The following ARFGAP1 variants were observed in gnomAD, a reference collection of about 807,000 sequenced individuals.
ARFGAP1 encodes the protein ARF GTPase activating protein 1.
A neutral mutation model predicts 54.0 loss-of-function variants in ARFGAP1; 26 were observed. That is an observed-to-expected ratio of 0.48 (90% CI 0.35 to 0.67). The LOEUF (loss-of-function observed/expected upper bound fraction) is 0.67. Ranked by LOEUF, ARFGAP1 falls within the 30% of genes least tolerant of loss-of-function variation. ARFGAP1 has a pLI of 0.00. For missense variants in ARFGAP1, 525 were observed against 535.8 expected (o/e 0.98, Z 0.20); for synonymous variants, 248 against 211.9 (o/e 1.17, Z -1.48).
chr20:63,277,239 T>C lies in ARFGAP1; in HGVS notation c.377T>C (p.Leu126Pro). The C allele has an allele frequency of 6.2e-7, 1 of 1,613,002 alleles. No individual in the cohort carries two copies. Among genetic ancestry groups the C allele is most frequent in the South Asian group, 1.1e-5 (1 of 91,062 alleles). The part of the protein sequence containing the change: ...VALAEGREWS[L>P]ESSPAQNWTP... ...CTGGCCGAAGGCAGAGAGTGGTCTC[T>C]GGAGTCATCACCTGCCCAGAACTGG... is the stretch of plus-strand genomic sequence containing the variant. Residue 126 changes from leucine to proline, a missense_variant, in exon 5 of 13, where the codon CTG becomes CCG. Around this residue, in one of 3 missense-constraint regions of ARFGAP1, gnomAD observed 466 missense variants for 453.6 expected, o/e 1.03. Transcript: ENST00000370283.
intron 9 of ARFGAP1, chr20:63,284,168 C>G (rs536960651): frequency 1.5e-6 from 2 of 1,294,752 alleles, no homozygotes; most frequent in East Asian, 3.2e-5. Flanking sequence ...GGCCTGCTGC[C>G]GGGGAGGTGC....
chr20:63,287,871 T>C lies in ARFGAP1; in HGVS notation c.1219T>C (p.Ter407GlnextTer28), dbSNP rs2067605365. The C allele has an allele frequency of 6.5e-7, 1 of 1,531,750 alleles. No individual in the cohort carries two copies. 94.9% of individuals were successfully genotyped at this position (1,531,750 alleles called of 1,614,324 possible). A position where few individuals can be genotyped will look rare whatever the true frequency, so the allele number is the denominator to read the frequency against. ...TDDGWDNQNW[*>Q] is the part of the protein sequence containing the mutation. ...TGATGGCTGGGACAACCAGAACTGG[T>C]AGGGCCCACTGCGCCCCCGTCCCCA... Residue 407 changes from the stop codon to glutamine (Q), a stop_lost, in exon 13 of 13, where the codon TAG becomes CAG. Coordinates refer to ENST00000370283, the MANE Select transcript of ARFGAP1 (RefSeq NM_018209.4).
intron 6 of ARFGAP1, 37 bp from the exon 7 acceptor site, chr20:63,278,862 G>T: frequency 6.2e-7 from 1 of 1,607,562 alleles, no homozygotes; most frequent in Non-Finnish European, 8.5e-7. Flanking sequence ...CAGGGTTCAT[G>T]CCAGCATCTT....
In ARFGAP1 at chr20:63,286,359, C is replaced by T. The variant is rs377225105; in HGVS notation, c.835-7C>T. The T allele has an allele frequency of 4.9e-4, 798 of 1,613,292 alleles. No homozygotes were observed. The highest frequency in any genetic ancestry group is 6.5e-4 in the South Asian group (59 of 91,076). On this transcript the variant is annotated splice_polypyrimidine_tract_variant and splice_region_variant and intron_variant, in intron 11 of 12. Transcript: ENST00000370283. ...CCTGCCTAACCTCTCTTCCCGTCTCCTTCCAGGTCCAGGGAGTCGGTAGTA... is the reference window on the plus strand; with the variant it reads ...CCTGCCTAACCTCTCTTCCCGTCTCTTTCCAGGTCCAGGGAGTCGGTAGTA...
intron 11 of ARFGAP1, 195 bp downstream of exon 11, chr20:63,285,908 G>A (rs988277006): frequency 3.6e-5 from 52 of 1,455,520 alleles, no homozygotes; most frequent in East Asian, 1.7e-4. Context: ...ACTGCGGCCC[G>A]GTCAGCCACT....
Position 63,287,777 on chromosome 20 carries a change from C to T in ARFGAP1, c.1125C>T (p.Asn375=), listed in dbSNP as rs1054514483. 7 of 1,608,428 alleles carry T rather than the reference C, an allele frequency of 4.4e-6. No individual in the cohort carries two copies. The Admixed American group carries it at 6.7e-5, about 15-fold the overall frequency. ...GGGGCTCGGCCTCCACCAACAGGAACAGCAACAGCGACGGCGGGGAGGGCG... is the reference window on the plus strand; with the variant it reads ...GGGGCTCGGCCTCCACCAACAGGAATAGCAACAGCGACGGCGGGGAGGGCG... The part of the protein sequence containing the change: ...EVWGSASTNR[N]SNSDGGEGGE... The change falls in exon 13 of 13, where the codon AAC becomes AAT. Residue 375 remains asparagine, a synonymous_variant. Transcript: ENST00000370283.
rs1003117409 is a variant in ARFGAP1 at position 63,277,131 on chromosome 20, C to T, written c.343-74C>T. On this transcript the variant is annotated intron_variant, in intron 4 of 12. Coordinates refer to ENST00000370283, the MANE Select transcript of ARFGAP1 (RefSeq NM_018209.4). ...TGCTCCAGGCGGGCCGTGGGGGGTG[C>T]GCTGGAGTCGACGGTGCCCGAGGGC... 24 of 1,334,280 alleles carry T rather than the reference C, an allele frequency of 1.8e-5. No homozygotes were observed. In the African/African-American group the frequency reaches 2.3e-4, roughly 13 times the overall value. 82.7% of individuals were successfully genotyped at this position (1,334,280 alleles called of 1,614,324 possible).
At chr20:63,281,661 A>C (rs1293446301) in intron 8 of ARFGAP1, among the ~76,000 whole-genome samples, 1 of 152,174 alleles carries the variant, frequency 6.6e-6, no homozygotes, top group Non-Finnish European at 1.5e-5. Flanking sequence ...CTATCCAAGC[A>C]GGGCAGGTCT....
rs972873953 is a variant in ARFGAP1, at chr20:63,288,520, C to T, written c.*647C>T. ...AGTTCACCAGGTTCACCAGACACGG[C>T]CTCCACAATAGCCACACCCACACCT... On this transcript the variant is annotated 3_prime_UTR_variant, in exon 13 of 13. Transcript: ENST00000370283. 5.7e-5 allele frequency: 26 copies of T among 455,946 alleles called. No individual in the cohort carries two copies. The highest frequency in any genetic ancestry group is 5.0e-4 in the African/African-American group (25 of 50,084). The allele number at this position is 455,946 out of a possible 1,614,324, so 28.2% of individuals were successfully genotyped here.
At chr20:63,280,835 C>T (rs1056125952) in intron 7 of ARFGAP1, among the ~76,000 whole-genome samples, 7 of 152,152 alleles carry the variant, frequency 4.6e-5, no homozygotes, top group African/African-American at 1.4e-4. Context: ...TGAAATGAGA[C>T]GTTTATTTTT....
rs1232071430 is a variant in ARFGAP1, at chr20:63,289,705, G to C, written c.*1832G>C. The C allele has an allele frequency of 6.6e-6, 1 of 152,304 alleles. No homozygotes were observed. The highest frequency in any genetic ancestry group is 2.4e-5 in the African/African-American group (1 of 41,430). 9.4% of individuals were successfully genotyped at this position (152,304 alleles called of 1,614,324 possible). A position where few individuals can be genotyped will look rare whatever the true frequency, so the allele number is the denominator to read the frequency against. On this transcript the variant is annotated 3_prime_UTR_variant, in exon 13 of 13. Transcript: ENST00000370283. Reference sequence around the variant, plus strand: ...GCGGGCAGGTGGGCCTGGGACCGGTGCTGGGGCCTCTCCTTGCTGTGTGTG... The same window carrying C: ...GCGGGCAGGTGGGCCTGGGACCGGTCCTGGGGCCTCTCCTTGCTGTGTGTG...
At chr20:63,275,515 A>G in intron 1 of ARFGAP1, 62 bp from the exon 2 acceptor site, 1 of 1,510,966 alleles carries the variant, frequency 6.6e-7, no homozygotes, top group African/African-American at 1.4e-5. Context: ...GACAGACGTT[A>G]TTTTCTTTTT....
At position 63,288,585 on chromosome 20, in the gene ARFGAP1, C is replaced by T. The variant is rs1240178924; in HGVS notation, c.*712C>T. The T allele has an allele frequency of 1.3e-5, 6 of 445,188 alleles. No individual in the cohort carries two copies. The Admixed American group carries it at 1.4e-4, about 11-fold the overall frequency. The allele number at this position is 445,188 out of a possible 1,614,324, so 27.6% of individuals were successfully genotyped here. A position where few individuals can be genotyped will look rare whatever the true frequency, so the allele number is the denominator to read the frequency against. On this transcript the variant is annotated 3_prime_UTR_variant, in exon 13 of 13. Coordinates refer to ENST00000370283, the MANE Select transcript of ARFGAP1 (RefSeq NM_018209.4). The stretch of plus-strand genomic sequence containing the variant: ...GCTGGAACTTGACCATCCTGGAACA[C>T]CCTGGAAGAAAAAGGAGCGCAGGGT...
intron 1 of ARFGAP1, 112 bp from the exon 2 acceptor site, chr20:63,275,465 A>G (rs2067212111): frequency 3.8e-6 from 4 of 1,038,968 alleles, no homozygotes; most frequent in African/African-American, 1.6e-5. Flanking sequence ...AAGCAGCTCA[A>G]CAGATTGCCC....
intron 5 of ARFGAP1, among the ~76,000 whole-genome samples, 198 bp downstream of exon 5, chr20:63,277,503 A>G (rs2067264916): frequency 6.6e-6 from 1 of 151,574 alleles, no homozygotes; most frequent in Non-Finnish European, 1.5e-5. Flanking sequence ...GCTGTCTCAG[A>G]TAGCGCCCCA....
intron 9 of ARFGAP1, chr20:63,284,361 A>C: frequency 9.4e-7 from 1 of 1,059,218 alleles, no homozygotes; most frequent in African/African-American, 1.7e-5. Flanking sequence ...CCACATCCCC[A>C]GGTGGCCGTG....
chr20:63,275,088 C>T (rs1478933989), intron 1 of ARFGAP1, among the ~76,000 whole-genome samples: 1 of 152,192 alleles, frequency 6.6e-6, no homozygotes, highest in African/African-American at 2.4e-5. Flanking sequence ...AGCCTCCCTG[C>T]ACTGCGTTGG....
At position 63,287,591 on chromosome 20, in the gene ARFGAP1, C is replaced by T. The variant is rs1601377377; in HGVS notation, c.939C>T (p.Asn313=). Residue 313 remains asparagine (N), a synonymous_variant, in exon 13 of 13, where the codon AAC becomes AAT. Transcript: ENST00000370283. ...CCTCGGAGGGCCACAGTTATCAGAA[C>T]AGCGGTCTGGACCACTTCCAAAACA... ...DSPSEGHSYQ[N]SGLDHFQNSN... is the part of the protein sequence containing the mutation. 6.2e-7 allele frequency: 1 copy of T among 1,603,050 alleles called. No homozygotes were observed. The highest frequency in any genetic ancestry group is 1.7e-5 in the Admixed American group (1 of 59,418).
In ARFGAP1 at chr20:63,276,608, A is replaced by G. The variant is rs1441252067; in HGVS notation, c.299A>G (p.Gln100Arg). Residue 100 changes from glutamine to arginine, a missense_variant, in exon 4 of 13, where the codon CAG (glutamine) becomes CGG (arginine). Coordinates refer to ENST00000370283, the MANE Select transcript of ARFGAP1 (RefSeq NM_018209.4). This position sits in a 1 kb window ranked among gnomAD's most constrained non-coding sequence, Gnocchi z 5.2. The stretch of plus-strand genomic sequence containing the variant: ...GATTACGATCCTTGCTGGTCCTTGC[A>G]GGAGAAGTACAACAGCAGAGCCGCG... Reference protein sequence around the residue: ...QEDYDPCWSLQEKYNSRAAAL... With the variant: ...QEDYDPCWSLREKYNSRAAAL... 1.8e-5 allele frequency: 29 copies of G among 1,613,700 alleles called. No homozygotes were observed. Among genetic ancestry groups the G allele is most frequent in the Non-Finnish European group, 2.5e-5 (29 of 1,179,940 alleles).
Sources: gnomAD v4.1 joint callset for allele counts (sites outside exome capture counted in the v4.1 genomes callset) on GRCh38, gnomAD v4.1.1 for gene constraint, gnomAD v4.1.1 regional missense constraint, Gnocchi (gnomAD v3.1) non-coding constraint, MANE v1.5 for transcripts, NCBI Gene and HGNC (gene_info 2026-07-23, HGNC 2026-07-21) for gene names.